The following FAF1 variants were observed in gnomAD, a reference collection of about 807,000 sequenced individuals.
FAF1 encodes FAS-associated factor 1.
Under a neutral mutation model 92.5 loss-of-function variants are expected in FAF1, and 25 were observed. The ratio of observed to expected loss-of-function variants is 0.27; its 90% CI spans 0.20 to 0.38. The LOEUF is 0.38. Among genes scored for constraint, FAF1 ranks in the 10% least tolerant of loss-of-function variants. The pLI is 1.00. For synonymous variants in FAF1, 234 were observed against 273.2 expected (o/e 0.86, Z 1.42); for missense variants, 636 against 793.3 (o/e 0.80, Z 2.38).
intron 2 of FAF1, among the ~76,000 whole-genome samples, chr1:50,828,517 C>A (rs1322201130): frequency 6.6e-6 from 1 of 152,156 alleles, no homozygotes; most frequent in African/African-American, 2.4e-5. Flanking sequence ...GATCTGCCCA[C>A]CTTGGCCTTC....
chr1:50,617,958 G>T (rs924866884), intron 8 of FAF1, among the ~76,000 whole-genome samples: 1 of 151,998 alleles, frequency 6.6e-6, no homozygotes, highest in African/African-American at 2.4e-5. Flanking sequence ...GTTGTTCATA[G>T]TACTATGAAG....
intron 3 of FAF1, among the ~76,000 whole-genome samples, chr1:50,789,768 C>T (rs1261650273): frequency 6.6e-6 from 1 of 152,152 alleles, no homozygotes; most frequent in African/African-American, 2.4e-5. Context: ...CAGATACATA[C>T]TTAAAGTGGC....
At chr1:50,928,848 G>C (rs933306200) in intron 1 of FAF1, among the ~76,000 whole-genome samples, 19 of 148,500 alleles carry the variant, frequency 1.3e-4, no homozygotes, top group Non-Finnish European at 2.5e-4. Flanking sequence ...TGTAATCCCA[G>C]CACTTTGGGA....
chr1:50,880,621 G>A (rs1047578811), intron 1 of FAF1, among the ~76,000 whole-genome samples: 1 of 152,158 alleles, frequency 6.6e-6, no homozygotes, highest in South Asian at 2.1e-4. Context: ...AGGAGCCTTC[G>A]CTAGAAATGA....
chr1:50,441,354 C>A lies in FAF1; in HGVS notation c.*86G>T. 1.5e-6 allele frequency: 1 copy of A among 688,700 alleles called. No individual in the cohort carries two copies. Among genetic ancestry groups the A allele is most frequent in the South Asian group, 2.2e-5 (1 of 45,912 alleles). 42.7% of individuals were successfully genotyped at this position (688,700 alleles called of 1,614,324 possible). On this transcript the variant is annotated 3_prime_UTR_variant, in exon 19 of 19. Transcript: ENST00000396153. ...GTGACATTGAATTGAGTGAGACGAGCGTGTGGGTGGGTTGGCGAGGAGCCC... is the reference window on the plus strand; with the variant it reads ...GTGACATTGAATTGAGTGAGACGAGAGTGTGGGTGGGTTGGCGAGGAGCCC...
intron 1 of FAF1, among the ~76,000 whole-genome samples, chr1:50,871,325 C>T (rs1434069287): frequency 3.9e-5 from 6 of 152,244 alleles, no homozygotes; most frequent in African/African-American, 1.2e-4. Context: ...AAGATGCTTA[C>T]ACTAAACAGC....
intron 18 of FAF1, among the ~76,000 whole-genome samples, chr1:50,470,063 CTCT>C (rs1646551701): frequency 6.6e-6 from 1 of 152,108 alleles, no homozygotes; most frequent in East Asian, 1.9e-4. Context: ...TTCCTTCTGG[CTCT>C]TGTTTTTTAA....
chr1:50,856,312 T>C (rs1644390068), intron 2 of FAF1, among the ~76,000 whole-genome samples: 1 of 151,728 alleles, frequency 6.6e-6, no homozygotes, highest in Admixed American at 6.6e-5. Context: ...TACAACTAAA[T>C]AAAGCAAAGC....
At chr1:50,713,998 C>T (rs1182898758) in intron 6 of FAF1, among the ~76,000 whole-genome samples, 1 of 150,308 alleles carries the variant, frequency 6.7e-6, no homozygotes, top group African/African-American at 2.4e-5. Flanking sequence ...GTCTGGAACT[C>T]CTGACCTCGT....
At chr1:50,705,955 T>A in intron 6 of FAF1, 64 bp from the exon 7 acceptor site, 1 of 975,270 alleles carries the variant, frequency 1.0e-6, no homozygotes, top group Non-Finnish European at 1.6e-6. Flanking sequence ...GCTTTACAGC[T>A]AGCTGCAAAA....
chr1:50,571,488 T>C (rs1283903254), intron 12 of FAF1, among the ~76,000 whole-genome samples: 1 of 152,320 alleles, frequency 6.6e-6, no homozygotes, highest in Admixed American at 6.5e-5. Flanking sequence ...GAATGAAAGG[T>C]AGCTGTTAGG....
chr1:50,837,596 G>A (rs1644220421), intron 2 of FAF1, among the ~76,000 whole-genome samples: 1 of 152,018 alleles, frequency 6.6e-6, no homozygotes, highest in Non-Finnish European at 1.5e-5. Flanking sequence ...AACTTCTATT[G>A]TATAAACTCA....
chr1:50,831,998 T>G (rs1369109417), intron 2 of FAF1, among the ~76,000 whole-genome samples: 1 of 151,844 alleles, frequency 6.6e-6, no homozygotes. Flanking sequence ...GTGTGCTCCT[T>G]ATGAGAATCT....
At chr1:50,695,184 G>T (rs911484760) in intron 7 of FAF1, among the ~76,000 whole-genome samples, 5 of 151,922 alleles carry the variant, frequency 3.3e-5, no homozygotes, top group African/African-American at 1.2e-4. Flanking sequence ...GAGGCAGGTG[G>T]ATCACCAGAG....
At chr1:50,874,126 A>G (rs1024989738) in intron 1 of FAF1, among the ~76,000 whole-genome samples, 2 of 152,004 alleles carry the variant, frequency 1.3e-5, no homozygotes, top group Non-Finnish European at 2.9e-5. Context: ...ACAATTGTCT[A>G]TTTTTGCTTT....
At chr1:50,838,770 A>G (rs1356173764) in intron 2 of FAF1, among the ~76,000 whole-genome samples, 2 of 152,074 alleles carry the variant, frequency 1.3e-5, no homozygotes, top group Non-Finnish European at 2.9e-5. Flanking sequence ...TGTGATAACT[A>G]TAAAGAACAC....
intron 4 of FAF1, among the ~76,000 whole-genome samples, chr1:50,766,594 G>A (rs1297928893): frequency 1.3e-5 from 2 of 151,920 alleles, no homozygotes; most frequent in Non-Finnish European, 2.9e-5. Context: ...AGTGGATGAA[G>A]GGAGGACAAA....
Position 50,582,678 on chromosome 1 carries a change from T to C in FAF1, c.1053A>G (p.Val351=), listed in dbSNP as rs1651045829. The part of the protein sequence containing the change: ...FSSRYGDCHP[V]FFIGSLEAAF... ...CAGCTTCTAATGAGCCAATAAAAAA[T>C]ACAGGATGGCAATCACCATATCTAT... Residue 351 remains valine, a synonymous_variant, in exon 12 of 19, where the codon GTA becomes GTG. Transcript: ENST00000396153. The C allele has an allele frequency of 3.1e-6, 5 of 1,610,536 alleles. No homozygotes were observed. Among genetic ancestry groups the C allele is most frequent in the Non-Finnish European group, 4.2e-6 (5 of 1,176,952 alleles).
At chr1:50,571,160 C>A (rs1650420000) in intron 12 of FAF1, among the ~76,000 whole-genome samples, 1 of 152,202 alleles carries the variant, frequency 6.6e-6, no homozygotes, top group South Asian at 2.1e-4. Flanking sequence ...TGTATACCAT[C>A]TAACAAATGA....
Sources: allele counts gnomAD v4.1 joint callset (sites outside exome capture counted in the v4.1 genomes callset), GRCh38; gene constraint gnomAD v4.1.1; transcripts MANE v1.5; gene names NCBI Gene and HGNC (gene_info 2026-07-23, HGNC 2026-07-21).